TMC7: variants seen among roughly 807,000 people sequenced by gnomAD.
TMC7 encodes transmembrane channel-like protein 7.
TMC7 carries 54 observed loss-of-function variants against 82.9 expected under a neutral mutation model. The ratio of observed to expected loss-of-function variants is 0.65; its 90% CI spans 0.52 to 0.82. The LOEUF (loss-of-function observed/expected upper bound fraction) is 0.82, where lower values mean the gene tolerates loss of function less well. Among genes scored for constraint, TMC7 ranks in the 40% least tolerant of loss-of-function variants. The pLI is 0.00. For missense variants in TMC7, 820 were observed against 901.2 expected (o/e 0.91, Z 1.15); for synonymous variants, 350 against 337.9 (o/e 1.04, Z -0.39).
chr16:18,984,897 C>T (rs1196537663), intron 1 of TMC7, among the ~76,000 whole-genome samples: 1 of 152,204 alleles, frequency 6.6e-6, no homozygotes, highest in East Asian at 1.9e-4. Flanking sequence ...GAACAAAACA[C>T]AAGACCCTGC....
chr16:18,986,433 G>A (rs1035390492), intron 1 of TMC7, among the ~76,000 whole-genome samples: 39 of 151,488 alleles, frequency 2.6e-4, no homozygotes, highest in African/African-American at 9.0e-4. Context: ...GCATGTGCCT[G>A]TAATCCCAGC....
intron 14 of TMC7, among the ~76,000 whole-genome samples, chr16:19,058,336 C>T (rs898312835): frequency 2.0e-5 from 3 of 152,022 alleles, no homozygotes; most frequent in African/African-American, 7.2e-5. Flanking sequence ...GCTGAGATCG[C>T]GCCATTGCAC....
At chr16:19,034,277 C>T (rs1005473843) in intron 6 of TMC7, among the ~76,000 whole-genome samples, 10 of 152,164 alleles carry the variant, frequency 6.6e-5, no homozygotes, top group African/African-American at 2.4e-4. Flanking sequence ...AAGATAATTG[C>T]AAGTTAGTGT....
chr16:18,984,849 G>A (rs2038815661), intron 1 of TMC7, among the ~76,000 whole-genome samples: 1 of 152,192 alleles, frequency 6.6e-6, no homozygotes, highest in African/African-American at 2.4e-5. Context: ...ACTCAGGCAG[G>A]GTTCCTTGTA....
rs759073109 is a variant in TMC7 at position 19,045,353 on chromosome 16, C to G, written c.1468C>G (p.Gln490Glu). The G allele has an allele frequency of 1.9e-6, 3 of 1,613,884 alleles. No individual in the cohort carries two copies. The South Asian group carries it at 3.3e-5, about 18-fold the overall frequency. The change falls in exon 11 of 16, where the codon CAA becomes GAA. Residue 490 changes from glutamine to glutamate, a missense_variant. Gln to Glu is a conservative substitution (Grantham distance 29). Coordinates refer to ENST00000304381, the MANE Select transcript of TMC7 (RefSeq NM_024847.4). Reference protein sequence around the residue: ...NQKLYPCWETQVGQEMYKLMI... With the variant: ...NQKLYPCWETEVGQEMYKLMI... ...TCTTTGATTTCAGTGCTGGGAGACC[C>G]AAGTTGGGCAGGAAATGTACAAGCT...
In TMC7 at chr16:18,983,981, G is replaced by T; in HGVS notation, c.-83G>T. On this transcript the variant is annotated 5_prime_UTR_variant, in exon 1 of 16. Transcript: ENST00000304381. ...CGCCGGAACCTGGAATCCCGGCTCC[G>T]CGAGGGAAGGCCGGGGAGGCGGCGG... The T allele has an allele frequency of 1.5e-6, 2 of 1,309,504 alleles. No homozygotes were observed. The highest frequency in any genetic ancestry group is 2.0e-6 in the Non-Finnish European group (2 of 1,024,718). The allele number at this position is 1,309,504 out of a possible 1,614,324, so 81.1% of individuals were successfully genotyped here.
Position 19,044,955 on chromosome 16 carries a change from A to T in TMC7, c.1409A>T (p.Asp470Val), listed in dbSNP as rs755459876. Residue 470 changes from aspartate (D) to valine (V), a missense_variant, in exon 10 of 16, where the codon GAT becomes GTT. Physicochemically the swap from Asp to Val is radical, Grantham distance 152. Coordinates refer to ENST00000304381, the MANE Select transcript of TMC7 (RefSeq NM_024847.4). ...FTLGSKITSCDDDTCDLCGYN... is the reference protein window; with the variant it reads ...FTLGSKITSCVDDTCDLCGYN... ...CTGGGCTCCAAGATCACATCCTGTGATGATGACACATGTGACCTTTGCGGC... is the reference window on the plus strand; with the variant it reads ...CTGGGCTCCAAGATCACATCCTGTGTTGATGACACATGTGACCTTTGCGGC... 1.2e-6 allele frequency: 2 copies of T among 1,613,844 alleles called. No homozygotes were observed. Among genetic ancestry groups the T allele is most frequent in the South Asian group, 1.1e-5 (1 of 91,070 alleles).
At chr16:18,991,466 C>T (rs897511911) in intron 1 of TMC7, among the ~76,000 whole-genome samples, 2 of 152,112 alleles carry the variant, frequency 1.3e-5, no homozygotes, top group African/African-American at 4.8e-5. Context: ...AAACAACACT[C>T]TGCATTTAAA....
intron 1 of TMC7, among the ~76,000 whole-genome samples, chr16:18,990,429 G>A (rs1321053775): frequency 2.0e-5 from 3 of 152,108 alleles, no homozygotes; most frequent in Non-Finnish European, 4.4e-5. Context: ...CGAGTAGCTG[G>A]GATTACAGGT....
chr16:19,005,927 C>T (rs536536845), intron 1 of TMC7, among the ~76,000 whole-genome samples: 18 of 152,250 alleles, frequency 1.2e-4, no homozygotes, highest in East Asian at 3.9e-4. Flanking sequence ...GCCCCAGCCA[C>T]GTGTCCATGT....
intron 2 of TMC7, among the ~76,000 whole-genome samples, chr16:19,010,748 C>T (rs938144305): frequency 6.6e-6 from 1 of 152,114 alleles, no homozygotes; most frequent in South Asian, 2.1e-4. Context: ...TATCCATAGT[C>T]GGCTGTGGTT....
chr16:19,018,378 T>C (rs1053032128), intron 3 of TMC7, among the ~76,000 whole-genome samples: 4 of 152,330 alleles, frequency 2.6e-5, no homozygotes, highest in African/African-American at 9.6e-5. Context: ...TTTTGGAGGC[T>C]CGAACAGGCC....
At chr16:19,061,703 C>A in intron 15 of TMC7, 75 bp from the exon 16 acceptor site, 3 of 1,293,424 alleles carry the variant, frequency 2.3e-6, no homozygotes, top group Non-Finnish European at 3.3e-6. Flanking sequence ...GAATCCTCAG[C>A]CCTCAGTCTG....
At chr16:19,045,083 C>A (rs1596785438) in intron 10 of TMC7, 82 bp downstream of exon 10, 1 of 1,176,384 alleles carries the variant, frequency 8.5e-7, no homozygotes, top group Non-Finnish European at 1.3e-6. Flanking sequence ...CGGTTGAAGC[C>A]ATGGGTTTGA....
chr16:19,054,704 G>A (rs1299370171), intron 13 of TMC7, among the ~76,000 whole-genome samples: 7 of 137,430 alleles, frequency 5.1e-5, no homozygotes, highest in Non-Finnish European at 1.1e-4. Flanking sequence ...CAACAAGAGT[G>A]TAACTCTGTC....
At chr16:19,033,700 A>C (rs1438566222) in intron 6 of TMC7, 1 of 152,188 alleles carries the variant, frequency 6.6e-6, no homozygotes, top group Non-Finnish European at 1.5e-5. Flanking sequence ...GTAAAAAATA[A>C]AATAAAATGT....
At chr16:19,050,376 AAAAAAAAAAAAAAAAACCAAAAAAAAC>A (rs1961478399) in intron 12 of TMC7, among the ~76,000 whole-genome samples, 2 of 151,302 alleles carry the variant, frequency 1.3e-5, no homozygotes, top group Admixed American at 1.3e-4. Context: ...CAAAAAAAAA[AAAAAAAAAAAAAAAAACCAAAAAAAAC>A]AAAAAACTTA....
intron 6 of TMC7, 23 bp downstream of exon 6, chr16:19,030,392 C>G (rs1181442988): frequency 6.3e-7 from 1 of 1,598,690 alleles, no homozygotes; most frequent in East Asian, 2.2e-5. Flanking sequence ...TTTGCATTCT[C>G]TCTGAATTAC....
chr16:19,054,680 C>T (rs1309973947), intron 13 of TMC7, among the ~76,000 whole-genome samples: 1 of 150,490 alleles, frequency 6.6e-6, no homozygotes, highest in Non-Finnish European at 1.5e-5. Flanking sequence ...GCACCAATGC[C>T]ACTCTAGCCT....
Sources: allele counts gnomAD v4.1 joint callset (sites outside exome capture counted in the v4.1 genomes callset), GRCh38; gene constraint gnomAD v4.1.1; transcripts MANE v1.5; gene names NCBI Gene and HGNC (gene_info 2026-07-23, HGNC 2026-07-21).